ABCC4: variants seen among roughly 807,000 people sequenced by gnomAD.
ABCC4 encodes ATP-binding cassette sub-family C member 4.
A neutral mutation model predicts 168.5 loss-of-function variants in ABCC4; 102 were observed. The observed-to-expected ratio is 0.61, with a 90% CI of 0.52 to 0.71. The LOEUF is 0.71. Ranked by LOEUF, ABCC4 falls within the 30% of genes least tolerant of loss-of-function variation. The probability of loss-of-function intolerance (pLI) is 0.00; values close to 1 mark genes in which losing one functional copy is unlikely to be tolerated. For synonymous variants in ABCC4, 617 were observed against 590.7 expected (o/e 1.04, Z -0.65); for missense variants, 1,402 against 1,605.8 (o/e 0.87, Z 2.17).
chr13:95,138,958 C>G (rs950109352), intron 19 of ABCC4, among the ~76,000 whole-genome samples: 1 of 152,214 alleles, frequency 6.6e-6, no homozygotes, highest in Non-Finnish European at 1.5e-5. Flanking sequence ...CATGACAGGT[C>G]CGTGAGAGAT....
intron 16 of ABCC4, among the ~76,000 whole-genome samples, chr13:95,164,054 A>AAAAAAAAAAGAAAG (rs59935866): frequency 3.2e-4 from 44 of 139,016 alleles, no homozygotes; most frequent in Non-Finnish European, 4.9e-4. Context: ...AAAAAAAAAA[A>AAAAAAAAAAGAAAG]AAAGAAAGAA....
In ABCC4 at chr13:95,163,623, A is replaced by C; in HGVS notation, c.2200T>G (p.Trp734Gly). 6.2e-7 allele frequency: 1 copy of C among 1,612,552 alleles called. No homozygotes were observed. Among genetic ancestry groups the C allele is most frequent in the Non-Finnish European group, 8.5e-7 (1 of 1,178,958 alleles). The change falls in exon 17 of 31, where the codon TGG (tryptophan) becomes GGG (glycine). Residue 734 changes from tryptophan to glycine, a missense_variant. By Grantham distance (184) the Trp-to-Gly change is radical. Coordinates refer to ENST00000645237, the MANE Select transcript of ABCC4 (RefSeq NM_005845.5). ...AQVAYVLQDW[W>G]LSYWANKQSM... The stretch of plus-strand genomic sequence containing the variant: ...GAAATAACTTACCAGTATGAAAGCC[A>C]CCAATCTTGAAGCACATAGGCAACC...
intron 1 of ABCC4, among the ~76,000 whole-genome samples, chr13:95,282,537 A>ATT (rs1188979946): frequency 6.6e-6 from 1 of 151,384 alleles, no homozygotes; most frequent in African/African-American, 2.4e-5. Flanking sequence ...TTATTTTTTT[A>ATT]TTTTTTATTT....
intron 25 of ABCC4, among the ~76,000 whole-genome samples, chr13:95,070,107 G>A (rs985277563): frequency 6.6e-6 from 1 of 152,150 alleles, no homozygotes; most frequent in African/African-American, 2.4e-5. Context: ...AGTTGGGTAT[G>A]GTGGTGCACA....
At chr13:95,202,016 G>A (rs2038642680) in intron 8 of ABCC4, among the ~76,000 whole-genome samples, 1 of 152,194 alleles carries the variant, frequency 6.6e-6, no homozygotes, top group Non-Finnish European at 1.5e-5. Context: ...GTGTCAGCTT[G>A]GCTAGGCCAC....
intron 19 of ABCC4, among the ~76,000 whole-genome samples, chr13:95,127,130 C>T (rs2035808753): frequency 6.6e-6 from 1 of 151,998 alleles, no homozygotes; most frequent in Non-Finnish European, 1.5e-5. Flanking sequence ...CCCATTCCTG[C>T]TCCTCTTCAC....
rs531899968 is a variant in ABCC4 at position 95,037,968 on chromosome 13, C to T, written c.3736-3229G>A. Among the ~76,000 whole-genome samples, 4 of 152,162 alleles carry T rather than the reference C, an allele frequency of 2.6e-5. No individual in the cohort carries two copies. The South Asian group carries it at 8.3e-4, about 32-fold the overall frequency. On this transcript the variant is annotated intron_variant, in intron 29 of 30. Transcript: ENST00000645237. ...GCAACCTCCACCTCCTGGACTCAAG[C>T]CTCAGCCTCCCAAGTAGCTGGGACT...
intron 18 of ABCC4, among the ~76,000 whole-genome samples, chr13:95,162,895 G>T (rs1226615396): frequency 3.3e-5 from 5 of 152,182 alleles, no homozygotes; most frequent in African/African-American, 1.2e-4. Flanking sequence ...CTCAATCCTG[G>T]TTTAACTTTC....
chr13:95,288,040 T>C (rs1296201356), intron 1 of ABCC4, among the ~76,000 whole-genome samples: 2 of 150,552 alleles, frequency 1.3e-5, no homozygotes, highest in African/African-American at 4.8e-5. Flanking sequence ...AGACTCTGCC[T>C]CACACAAATA....
chr13:95,170,986 G>A (rs1455781519), intron 13 of ABCC4, among the ~76,000 whole-genome samples: 1 of 151,942 alleles, frequency 6.6e-6, no homozygotes, highest in East Asian at 1.9e-4. Context: ...TCGAGGTCAC[G>A]TAACGACGCG....
At chr13:95,052,666 A>G (rs1398565299) in intron 27 of ABCC4, among the ~76,000 whole-genome samples, 1 of 152,242 alleles carries the variant, frequency 6.6e-6, no homozygotes, top group East Asian at 1.9e-4. Context: ...CTTTCTTATA[A>G]AACTTAAAGC....
chr13:95,263,519 C>T (rs182268760), intron 1 of ABCC4, among the ~76,000 whole-genome samples: 139 of 152,108 alleles, frequency 9.1e-4, no homozygotes, highest in Non-Finnish European at 1.5e-3. Flanking sequence ...GCAATGAGAT[C>T]CCATAACAAT....
intron 18 of ABCC4, chr13:95,161,828 T>C (rs938623444): frequency 6.6e-6 from 1 of 152,232 alleles, no homozygotes; most frequent in African/African-American, 2.4e-5. Context: ...TTAAGTTGCA[T>C]GTGGAAAACC....
chr13:95,072,561 C>T (rs1435791890), intron 24 of ABCC4, among the ~76,000 whole-genome samples: 1 of 152,212 alleles, frequency 6.6e-6, no homozygotes, highest in South Asian at 2.1e-4. Flanking sequence ...GTAATAATTA[C>T]TCAACTTTTG....
intron 26 of ABCC4, among the ~76,000 whole-genome samples, chr13:95,059,872 T>C (rs929034834): frequency 6.6e-5 from 10 of 152,200 alleles, no homozygotes; most frequent in Non-Finnish European, 1.5e-4. Flanking sequence ...TCTCATCTAG[T>C]AAAATCTTCA....
In ABCC4 at chr13:95,274,589, T is replaced by C. The variant is rs1370125341; in HGVS notation, c.74+26652A>G. Among the ~76,000 whole-genome samples, 4 of 152,278 alleles carry C rather than the reference T, an allele frequency of 2.6e-5. No individual in the cohort carries two copies. In the East Asian group the frequency reaches 5.8e-4, roughly 22 times the overall value. On this transcript the variant is annotated intron_variant, in intron 1 of 30. Transcript: ENST00000645237. Reference sequence around the variant, plus strand: ...GTCCCTGAAAGCTCAAGAAAGACCATGGCCCAGGCTCTCCCCTCACTCCTG... The same window carrying C: ...GTCCCTGAAAGCTCAAGAAAGACCACGGCCCAGGCTCTCCCCTCACTCCTG...
rs150730511 is a variant in ABCC4, at chr13:95,166,332, G to A, written c.1860C>T (p.Phe620=). 1.9e-6 allele frequency: 3 copies of A among 1,613,352 alleles called. No homozygotes were observed. Among genetic ancestry groups the A allele is most frequent in the Admixed American group, 3.3e-5 (2 of 60,014 alleles). ...KMVQKGTYTE[F]LKSGIDFGSL... Reference sequence around the variant, plus strand: ...AGCCAAAATCTATACCAGATTTTAGGAACTCAGTGTAAGTCCCCTTCTGCA... The same window carrying A: ...AGCCAAAATCTATACCAGATTTTAGAAACTCAGTGTAAGTCCCCTTCTGCA... The change falls in exon 15 of 31, where the codon TTC becomes TTT. Residue 620 remains phenylalanine, a synonymous_variant. Coordinates refer to ENST00000645237, the MANE Select transcript of ABCC4 (RefSeq NM_005845.5).
In ABCC4 at chr13:95,230,474, A is replaced by C. The variant is rs556901679; in HGVS notation, c.531+4136T>G. Among the ~76,000 whole-genome samples the C allele has an allele frequency of 2.0e-5, 3 of 152,338 alleles. No individual in the cohort carries two copies. In the East Asian group the frequency reaches 5.8e-4, roughly 29 times the overall value. Reference sequence around the variant, plus strand: ...CATCTCTAAATAAATATATACTCAAAAGTATTAAAAGCAAGGACTCGGCCG... The same window carrying C: ...CATCTCTAAATAAATATATACTCAACAGTATTAAAAGCAAGGACTCGGCCG... On this transcript the variant is annotated intron_variant, in intron 4 of 30. Coordinates refer to ENST00000645237, the MANE Select transcript of ABCC4 (RefSeq NM_005845.5).
At chr13:95,236,584 G>A (rs77037338) in intron 3 of ABCC4, among the ~76,000 whole-genome samples, 10,298 of 90,118 alleles carry the variant, frequency 0.11, 384 homozygotes, top group African/African-American at 0.13. Context: ...GTCTCGGCAT[G>A]TGAACGCGCG....
Sources: allele counts gnomAD v4.1 joint callset (sites outside exome capture counted in the v4.1 genomes callset), GRCh38; gene constraint gnomAD v4.1.1; transcripts MANE v1.5; gene names NCBI Gene and HGNC (gene_info 2026-07-23, HGNC 2026-07-21).